The following RUNX1 variants were observed in gnomAD, a reference collection of about 807,000 sequenced individuals.
The protein encoded by RUNX1 is RUNX family transcription factor 1, also known as runt-related transcription factor 1.
RUNX1 carries 19 observed loss-of-function variants against 42.8 expected under a neutral mutation model. That is an observed-to-expected ratio of 0.44 (90% CI 0.31 to 0.65). The LOEUF (loss-of-function observed/expected upper bound fraction) is 0.65. RUNX1 is among the 30% of genes least tolerant of loss of function. The pLI, the probability that RUNX1 is intolerant of heterozygous loss-of-function variation, is 0.07. For missense variants in RUNX1, 528 were observed against 672.0 expected, an observed-to-expected ratio of 0.79 and a Z score of 2.37; for synonymous variants, 271 against 289.4, an observed-to-expected ratio of 0.94 and a Z score of 0.64.
At chr21:34,991,604 A>G (rs1248147676) in intron 2 of RUNX1, among the ~76,000 whole-genome samples, 1 of 152,158 alleles carries the variant, frequency 6.6e-6, no homozygotes, top group Non-Finnish European at 1.5e-5. Flanking sequence ...TCTGTTTTAC[A>G]GGTGGAAAAG....
At chr21:34,868,064 G>A (rs938450175) in intron 5 of RUNX1, among the ~76,000 whole-genome samples, 1 of 152,236 alleles carries the variant, frequency 6.6e-6, no homozygotes, top group Non-Finnish European at 1.5e-5. Context: ...GGCTTGGGGG[G>A]CGTCAGCTCC....
At position 34,990,473 on chromosome 21, in the gene RUNX1, C is replaced by A. The variant is rs183180662; in HGVS notation, c.58+58369G>T. Among the ~76,000 whole-genome samples the A allele has an allele frequency of 6.6e-5, 10 of 152,102 alleles. No homozygotes were observed. The East Asian group carries it at 1.9e-3, about 29-fold the overall frequency. Reference sequence around the variant, plus strand: ...CTTTGCCATAGTGGGGAAAAATGAGCCAGTGCAATAGGCCTAGTCATAAAA... The same window carrying A: ...CTTTGCCATAGTGGGGAAAAATGAGACAGTGCAATAGGCCTAGTCATAAAA... On this transcript the variant is annotated intron_variant, in intron 2 of 8. Coordinates refer to ENST00000675419, the MANE Select transcript of RUNX1 (RefSeq NM_001754.5).
intron 2 of RUNX1, among the ~76,000 whole-genome samples, chr21:34,961,004 G>A (rs1366374694): frequency 6.6e-6 from 1 of 152,202 alleles, no homozygotes; most frequent in African/African-American, 2.4e-5. Flanking sequence ...AGCATAAGAA[G>A]CCGTAGGTAG....
intron 7 of RUNX1, chr21:34,821,191 A>G: frequency 9.8e-7 from 1 of 1,019,460 alleles, no homozygotes; most frequent in Non-Finnish European, 1.2e-6. Context: ...ATTATCGCAG[A>G]GTAGCTGTGT....
At chr21:35,036,393 G>A (rs977876608) in intron 2 of RUNX1, among the ~76,000 whole-genome samples, 10 of 152,266 alleles carry the variant, frequency 6.6e-5, no homozygotes, top group African/African-American at 2.4e-4. Context: ...CATTTCCATT[G>A]ATCAGGGCAC....
intron 2 of RUNX1, among the ~76,000 whole-genome samples, chr21:35,042,147 T>C (rs80050323): frequency 0.012 from 1,783 of 152,256 alleles, 40 homozygotes; most frequent in African/African-American, 0.041. Flanking sequence ...TCAAGTGTGA[T>C]TTGGGGCTTT....
intron 2 of RUNX1, among the ~76,000 whole-genome samples, chr21:34,926,844 G>T (rs1336432400): frequency 7.8e-6 from 1 of 128,884 alleles, no homozygotes; most frequent in African/African-American, 2.7e-5. Context: ...ATTCCCTAAA[G>T]ACATCAGCAC....
chr21:35,034,908 C>G (rs1207254160), intron 2 of RUNX1, among the ~76,000 whole-genome samples: 1 of 152,168 alleles, frequency 6.6e-6, no homozygotes, highest in East Asian at 1.9e-4. Flanking sequence ...GGCTGAGACC[C>G]CTACTCAGCC....
intron 7 of RUNX1, among the ~76,000 whole-genome samples, chr21:34,820,420 C>T (rs976080054): frequency 7.2e-5 from 11 of 152,110 alleles, no homozygotes; most frequent in South Asian, 2.1e-4. Context: ...GAGGCCGAGG[C>T]GGGCGGATCA....
rs34038665 is a variant in RUNX1, at chr21:34,990,647, AT to A, written c.58+58194del. On this transcript the variant is annotated intron_variant, in intron 2 of 8. Coordinates refer to ENST00000675419, the MANE Select transcript of RUNX1 (RefSeq NM_001754.5). ...ATATAATGTTGGGATATGAGGAATA[AT>A]TTTTTTTTTTTGAGACGGAGTTTCA... Among the ~76,000 whole-genome samples the A allele has an allele frequency of 2.4e-3, 355 of 147,922 alleles. 3 individuals are homozygous for A. The highest frequency in any genetic ancestry group is 2.5e-3 in the Admixed American group (37 of 14,882).
At chr21:35,022,926 G>A (rs1312165909) in intron 2 of RUNX1, among the ~76,000 whole-genome samples, 1 of 89,660 alleles carries the variant, frequency 1.1e-5, no homozygotes, top group Non-Finnish European at 2.7e-5. Context: ...TAATAAGGCG[G>A]AGATTATTTT....
At chr21:34,854,727 T>C (rs889960673) in intron 6 of RUNX1, among the ~76,000 whole-genome samples, 1 of 152,074 alleles carries the variant, frequency 6.6e-6, no homozygotes, top group Non-Finnish European at 1.5e-5. Flanking sequence ...ATCACAAGAC[T>C]CTACGTTAAC....
At chr21:34,963,313 G>C (rs1339881275) in intron 2 of RUNX1, among the ~76,000 whole-genome samples, 1 of 152,150 alleles carries the variant, frequency 6.6e-6, no homozygotes, top group Non-Finnish European at 1.5e-5. Context: ...TCCTCCCCCC[G>C]GCACATCTGC....
intron 2 of RUNX1, among the ~76,000 whole-genome samples, chr21:34,906,433 A>G (rs1208203286): frequency 6.6e-6 from 1 of 152,236 alleles, no homozygotes; most frequent in East Asian, 1.9e-4. Flanking sequence ...GAGGTCCTTA[A>G]CATTTACTGA....
intron 7 of RUNX1, among the ~76,000 whole-genome samples, chr21:34,826,047 T>A (rs1009146864): frequency 3.3e-5 from 5 of 152,222 alleles, no homozygotes; most frequent in Non-Finnish European, 7.3e-5. Flanking sequence ...ACATTTCTGT[T>A]GTTTTAAGCC....
chr21:34,904,596 A>G (rs2058202977), intron 2 of RUNX1, among the ~76,000 whole-genome samples: 1 of 152,204 alleles, frequency 6.6e-6, no homozygotes, highest in Non-Finnish European at 1.5e-5. Flanking sequence ...ACTAATCTTA[A>G]GTAACTACAT....
At chr21:34,891,839 C>T (rs952480245) in intron 3 of RUNX1, among the ~76,000 whole-genome samples, 8 of 152,116 alleles carry the variant, frequency 5.3e-5, no homozygotes, top group Non-Finnish European at 1.2e-4. Context: ...ATGTACATTT[C>T]TGCAGTGGAT....
At chr21:35,040,345 G>A (rs1341223689) in intron 2 of RUNX1, among the ~76,000 whole-genome samples, 1 of 152,190 alleles carries the variant, frequency 6.6e-6, no homozygotes, top group Non-Finnish European at 1.5e-5. Context: ...ACTCTCTTTT[G>A]CACATTCTGG....
chr21:35,026,002 T>C (rs1052490299), intron 2 of RUNX1, among the ~76,000 whole-genome samples: 5 of 152,086 alleles, frequency 3.3e-5, no homozygotes, highest in African/African-American at 1.2e-4. Flanking sequence ...CTGGAACAAC[T>C]GCAGAGGCCC....
Sources: allele counts gnomAD v4.1 joint callset (sites outside exome capture counted in the v4.1 genomes callset), GRCh38; gene constraint gnomAD v4.1.1; transcripts MANE v1.5; gene names NCBI Gene and HGNC (gene_info 2026-07-23, HGNC 2026-07-21).